BMPR1B: variants seen among roughly 807,000 people sequenced by gnomAD.
The protein encoded by BMPR1B is bone morphogenetic protein receptor type 1B, also known as bone morphogenetic protein receptor type-1B.
A neutral mutation model predicts 59.1 loss-of-function variants in BMPR1B; 12 were observed. That is an observed-to-expected ratio of 0.20 (90% CI 0.13 to 0.33). The LOEUF (loss-of-function observed/expected upper bound fraction) is 0.33, where lower values mean the gene tolerates loss of function less well. BMPR1B is among the 10% of genes least tolerant of loss of function. The probability of loss-of-function intolerance (pLI) is 1.00; values close to 1 mark genes in which losing one functional copy is unlikely to be tolerated. For synonymous variants in BMPR1B, 237 were observed against 207.3 expected (o/e 1.14, Z -1.23); for missense variants, 550 against 610.9 (o/e 0.90, Z 1.05).
At chr4:95,072,436 A>C (rs1295033570) in intron 3 of BMPR1B, among the ~76,000 whole-genome samples, 1 of 152,206 alleles carries the variant, frequency 6.6e-6, no homozygotes, top group Non-Finnish European at 1.5e-5. Flanking sequence ...ATCAGGAAGC[A>C]TCTTAGGCTT....
chr4:95,140,647 T>G (rs1173694115), intron 10 of BMPR1B, among the ~76,000 whole-genome samples: 3 of 152,072 alleles, frequency 2.0e-5, no homozygotes, highest in East Asian at 1.9e-4. Flanking sequence ...ATAATTATTT[T>G]GGGACATGCT....
chr4:95,126,536 G>T (rs1732917774), intron 8 of BMPR1B, among the ~76,000 whole-genome samples: 1 of 152,118 alleles, frequency 6.6e-6, no homozygotes, highest in African/African-American at 2.4e-5. Flanking sequence ...GTATAACCCT[G>T]TATTACACAT....
chr4:95,084,044 C>G (rs1457011798), intron 3 of BMPR1B, among the ~76,000 whole-genome samples: 1 of 152,016 alleles, frequency 6.6e-6, no homozygotes, highest in African/African-American at 2.4e-5. Context: ...TCAGTCCTTT[C>G]AAATCCCTTC....
chr4:95,049,862 C>G (rs1405999921), intron 3 of BMPR1B, among the ~76,000 whole-genome samples: 1 of 151,916 alleles, frequency 6.6e-6, no homozygotes, highest in Admixed American at 6.6e-5. Context: ...CTTGAGGAAC[C>G]AAATCAGCTT....
At chr4:94,877,546 T>A (rs944912253) in intron 2 of BMPR1B, among the ~76,000 whole-genome samples, 1 of 152,240 alleles carries the variant, frequency 6.6e-6, no homozygotes. Context: ...CGGGTGCCTA[T>A]AGGCACCTTT....
chr4:94,788,802 A>G (rs151013383), intron 1 of BMPR1B, among the ~76,000 whole-genome samples: 42 of 152,328 alleles, frequency 2.8e-4, no homozygotes, highest in African/African-American at 9.9e-4. Context: ...CACCAGATCC[A>G]GTTTATCTGC....
chr4:95,115,793 TGAGGA>T lies in BMPR1B; in HGVS notation c.349+7_349+11del. 1 of 1,601,680 alleles carries T rather than the reference TGAGGA, an allele frequency of 6.2e-7. No individual in the cohort carries two copies. Among genetic ancestry groups the T allele is most frequent in the Non-Finnish European group, 8.6e-7 (1 of 1,169,390 alleles). Reference sequence around the variant, plus strand: ...GCCTCCATTGAAAAACAGAGGTAAGTGAGGAAGGCTTCCAGCCTGGAAAATCACTA... The same window carrying T: ...GCCTCCATTGAAAAACAGAGGTAAGTAGGCTTCCAGCCTGGAAAATCACTA... On this transcript the variant is annotated splice_region_variant and intron_variant, in intron 6 of 12. Coordinates refer to ENST00000515059, the MANE Select transcript of BMPR1B (RefSeq NM_001203.3).
intron 12 of BMPR1B, among the ~76,000 whole-genome samples, 167 bp from the exon 13 acceptor site, chr4:95,154,381 A>C (rs536826879): frequency 6.6e-6 from 1 of 152,340 alleles, no homozygotes; most frequent in South Asian, 2.1e-4. Context: ...TGTTTTAGTC[A>C]TATATAATTT....
At chr4:94,903,868 A>G (rs1477895553) in intron 2 of BMPR1B, among the ~76,000 whole-genome samples, 2 of 151,992 alleles carry the variant, frequency 1.3e-5, no homozygotes, top group Non-Finnish European at 2.9e-5. Context: ...AGCCCTGTGG[A>G]CACCTTGATC....
At chr4:95,059,339 T>G (rs73838010) in intron 3 of BMPR1B, among the ~76,000 whole-genome samples, 6,285 of 152,272 alleles carry the variant, frequency 0.041, 439 homozygotes, top group African/African-American at 0.14. Context: ...TGTGTTTTCA[T>G]AGGATTATTA....
At chr4:95,125,227 C>G in intron 8 of BMPR1B, 106 bp downstream of exon 8, 1 of 1,426,050 alleles carries the variant, frequency 7.0e-7, no homozygotes, top group Non-Finnish European at 9.7e-7. Context: ...AAGGAGAAAG[C>G]TCTATGCAGT....
chr4:95,091,414 A>G (rs945983581), intron 3 of BMPR1B: 17 of 959,858 alleles, frequency 1.8e-5, no homozygotes, highest in Non-Finnish European at 2.1e-5. Flanking sequence ...CTTATAATCA[A>G]AGGGACTACT....
At chr4:94,881,858 T>C (rs1726987009) in intron 2 of BMPR1B, among the ~76,000 whole-genome samples, 1 of 152,176 alleles carries the variant, frequency 6.6e-6, no homozygotes, top group South Asian at 2.1e-4. Context: ...CTTTTAGCTC[T>C]AAAAATAATC....
rs555197234 is a variant in BMPR1B at position 95,065,670 on chromosome 4, A to T, written c.-17-38738A>T. Among the ~76,000 whole-genome samples, 25 of 152,266 alleles carry T rather than the reference A, an allele frequency of 1.6e-4. No individual in the cohort carries two copies. The South Asian group carries it at 5.2e-3, about 32-fold the overall frequency. On this transcript the variant is annotated intron_variant, in intron 3 of 12. Coordinates refer to ENST00000515059, the MANE Select transcript of BMPR1B (RefSeq NM_001203.3). ...ATATATTTGTAGCATTTTATATAAC[A>T]GAAGAGTCAGCCAGAAATGAAATTA...
chr4:94,764,356 T>C (rs1406153027), intron 1 of BMPR1B, among the ~76,000 whole-genome samples: 1 of 152,190 alleles, frequency 6.6e-6, no homozygotes, highest in Non-Finnish European at 1.5e-5. Context: ...ATTCCTGCAC[T>C]GAAAGTCATT....
intron 1 of BMPR1B, among the ~76,000 whole-genome samples, chr4:94,866,284 T>C (rs550066394): frequency 6.6e-6 from 1 of 152,308 alleles, no homozygotes; most frequent in Admixed American, 6.5e-5. Context: ...ATCGGAGACA[T>C]GCACCAGTTT....
At chr4:95,124,268 T>C (rs1732747115) in intron 7 of BMPR1B, among the ~76,000 whole-genome samples, 1 of 152,078 alleles carries the variant, frequency 6.6e-6, no homozygotes. Flanking sequence ...GCTATAACGT[T>C]TCTGATTATT....
Position 95,154,819 on chromosome 4 carries a change from G to C in BMPR1B, c.*146G>C. 1 of 1,122,002 alleles carries C rather than the reference G, an allele frequency of 8.9e-7. No individual in the cohort carries two copies. The highest frequency in any genetic ancestry group is 1.3e-6 in the Non-Finnish European group (1 of 769,244). The allele number at this position is 1,122,002 out of a possible 1,614,324, so 69.5% of individuals were successfully genotyped here. ...AGTGGGTTCAGACCTCACCTCTCAG[G>C]GAGCGACCTGGGCAAAGACAGAGAA... On this transcript the variant is annotated 3_prime_UTR_variant, in exon 13 of 13. Transcript: ENST00000515059.
intron 1 of BMPR1B, among the ~76,000 whole-genome samples, chr4:94,823,316 G>A (rs1467504463): frequency 6.6e-6 from 1 of 152,176 alleles, no homozygotes; most frequent in East Asian, 1.9e-4. Context: ...CTTTTGAGGG[G>A]TCAGTGGGAG....
Sources: allele counts gnomAD v4.1 joint callset (sites outside exome capture counted in the v4.1 genomes callset), GRCh38; gene constraint gnomAD v4.1.1; transcripts MANE v1.5; gene names NCBI Gene and HGNC (gene_info 2026-07-23, HGNC 2026-07-21).